Variants in SHANK2 observed in about 807,000 individuals in gnomAD.
The protein encoded by SHANK2 is SH3 and multiple ankyrin repeat domains 2.
Under a neutral mutation model 133.7 loss-of-function variants are expected in SHANK2, and 43 were observed. That is an observed-to-expected ratio of 0.32 (90% confidence interval 0.25 to 0.41). The LOEUF (loss-of-function observed/expected upper bound fraction) is 0.41, where lower values mean the gene tolerates loss of function less well. SHANK2 is among the 10% of genes least tolerant of loss of function. The probability of loss-of-function intolerance (pLI) is 1.00; values close to 1 mark genes in which losing one functional copy is unlikely to be tolerated. For synonymous variants in SHANK2, 1,017 were observed against 952.8 expected, an observed-to-expected ratio of 1.07 and a Z score of -1.24; for missense variants, 1,994 against 2,235.8, an observed-to-expected ratio of 0.89 and a Z score of 2.18.
chr11:70,784,359 T>TG (rs1271761421), intron 14 of SHANK2, among the ~76,000 whole-genome samples: 1 of 137,692 alleles, frequency 7.3e-6, no homozygotes. Context: ...TTTTTTTTTT[T>TG]TTTTTTTTTT....
At chr11:70,519,355 T>TA (rs1319188249) in intron 17 of SHANK2, among the ~76,000 whole-genome samples, 1 of 152,214 alleles carries the variant, frequency 6.6e-6, no homozygotes, top group Admixed American at 6.5e-5. Context: ...ACCAGTTCTT[T>TA]AAAAAGTGTC....
At chr11:71,250,753 C>G (rs2362118) in intron 1 of SHANK2, among the ~76,000 whole-genome samples, 10,597 of 152,174 alleles carry the variant, frequency 0.07, 425 homozygotes, top group Middle Eastern at 0.13. Context: ...CGCAGGGCAC[C>G]GGGGTTAAGG....
intron 15 of SHANK2, among the ~76,000 whole-genome samples, chr11:70,664,373 G>A (rs562978349): frequency 1.3e-5 from 2 of 152,316 alleles, no homozygotes; most frequent in East Asian, 3.9e-4. Flanking sequence ...TTCATGGAAG[G>A]TTCTCTAAAG....
chr11:70,599,927 G>GA (rs1188976351), intron 17 of SHANK2, among the ~76,000 whole-genome samples: 1 of 117,080 alleles, frequency 8.5e-6, no homozygotes, highest in African/African-American at 4.5e-5. Context: ...AAGAAAGAAA[G>GA]AAAGAAAGAA....
intron 15 of SHANK2, among the ~76,000 whole-genome samples, chr11:70,681,195 C>T (rs1945021807): frequency 6.6e-6 from 1 of 152,156 alleles, no homozygotes; most frequent in Non-Finnish European, 1.5e-5. Context: ...CTGCCAAGTC[C>T]CCCGTTCTCT....
At chr11:70,725,270 A>G (rs1468834349) in intron 14 of SHANK2, among the ~76,000 whole-genome samples, 1 of 152,246 alleles carries the variant, frequency 6.6e-6, no homozygotes, top group Non-Finnish European at 1.5e-5. Context: ...CTAACACCCC[A>G]AAGCAGCAAC....
At chr11:70,785,090 G>A (rs749527993) in intron 14 of SHANK2, among the ~76,000 whole-genome samples, 10 of 152,154 alleles carry the variant, frequency 6.6e-5, no homozygotes, top group African/African-American at 1.9e-4. Context: ...TGCTAGGCCC[G>A]TAGGATGCCT....
At chr11:70,558,482 G>A (rs1357555890) in intron 17 of SHANK2, among the ~76,000 whole-genome samples, 3 of 152,226 alleles carry the variant, frequency 2.0e-5, no homozygotes, top group Non-Finnish European at 4.4e-5. Context: ...GAGCCAGCCT[G>A]CCAGGGTTCC....
intron 10 of SHANK2, among the ~76,000 whole-genome samples, chr11:70,937,038 G>A (rs1555083541): frequency 2.0e-5 from 3 of 152,148 alleles, no homozygotes; most frequent in East Asian, 1.9e-4. Flanking sequence ...TTGGAAGACC[G>A]AGATTTGTAG....
intron 17 of SHANK2, among the ~76,000 whole-genome samples, chr11:70,605,656 C>A (rs547247926): frequency 2.0e-5 from 3 of 152,336 alleles, no homozygotes; most frequent in African/African-American, 7.2e-5. Flanking sequence ...GAACTCTCTC[C>A]AAGGAGGCGG....
At position 70,665,731 on chromosome 11, in the gene SHANK2, T is replaced by C. The variant is rs571410374; in HGVS notation, c.1854-4053A>G. On this transcript the variant is annotated intron_variant, in intron 15 of 25. Coordinates refer to ENST00000601538, the MANE Select transcript of SHANK2 (RefSeq NM_012309.5). ...AGCCTCAATTTCCTGACCTGCAAAG[T>C]TGGGGAGAAACCTCTGGCTTGTAAG... 3.3e-5 allele frequency among the ~76,000 whole-genome samples: 5 copies of C among 152,230 alleles called. No homozygotes were observed. The South Asian group carries it at 8.3e-4, about 25-fold the overall frequency.
At chr11:71,108,080 G>A (rs1467223481) in intron 6 of SHANK2, among the ~76,000 whole-genome samples, 5 of 152,176 alleles carry the variant, frequency 3.3e-5, no homozygotes, top group African/African-American at 9.6e-5. Flanking sequence ...GGGAGAATCC[G>A]GGTCAGCAGC....
Position 70,820,619 on chromosome 11 carries a change from G to T in SHANK2, c.1238C>A (p.Ala413Asp). ...GTTGGAGCGCAGCAGGACCCGGGGG[G>T]CGGCCAGCGTGTTGGGGGGCCGCCG... ...RRRRPPNTLA[A>D]PRVLLRSNSD... The change falls in exon 12 of 26, where the codon GCC becomes GAC. Residue 413 changes from alanine to aspartate, a missense_variant. Coordinates refer to ENST00000601538, the MANE Select transcript of SHANK2 (RefSeq NM_012309.5). 1 of 713,604 alleles carries T rather than the reference G, an allele frequency of 1.4e-6. No homozygotes were observed. Among genetic ancestry groups the T allele is most frequent in the Non-Finnish European group, 2.6e-6 (1 of 382,724 alleles). The allele number at this position is 713,604 out of a possible 1,614,324, so 44.2% of individuals were successfully genotyped here.
intron 6 of SHANK2, among the ~76,000 whole-genome samples, chr11:71,103,142 T>C (rs1198890063): frequency 6.6e-6 from 1 of 152,014 alleles, no homozygotes; most frequent in Non-Finnish European, 1.5e-5. Flanking sequence ...GGGGTTAGGG[T>C]TCAACAGTAT....
chr11:70,926,565 C>T (rs116293910), intron 10 of SHANK2, among the ~76,000 whole-genome samples: 1,932 of 152,302 alleles, frequency 0.013, 40 homozygotes, highest in African/African-American at 0.043. Flanking sequence ...CCCCAGACAG[C>T]ACTGCAGCAC....
intron 14 of SHANK2, among the ~76,000 whole-genome samples, chr11:70,717,393 A>G (rs1591781015): frequency 6.6e-6 from 1 of 152,226 alleles, no homozygotes; most frequent in Admixed American, 6.5e-5. Flanking sequence ...GGGATTCTGG[A>G]TGCAACTGAG....
intron 17 of SHANK2, among the ~76,000 whole-genome samples, chr11:70,581,947 G>A (rs1554985576): frequency 1.3e-5 from 2 of 152,234 alleles, no homozygotes; most frequent in African/African-American, 4.8e-5. Flanking sequence ...CACGAGGGTT[G>A]GGGCCGTAAA....
Position 70,686,910 on chromosome 11 carries a change from C to G in SHANK2, c.1853+11778G>C, listed in dbSNP as rs561219669. Among the ~76,000 whole-genome samples, 7 of 152,352 alleles carry G rather than the reference C, an allele frequency of 4.6e-5. No individual in the cohort carries two copies. In the South Asian group the frequency reaches 1.4e-3, roughly 32 times the overall value. The stretch of plus-strand genomic sequence containing the variant: ...TCTCCTCATCTGCTCCCTGGAGAGG[C>G]ACCCCTTGGCCTTGTATGCCACTGA... On this transcript the variant is annotated intron_variant, in intron 15 of 25. Transcript: ENST00000601538.
intron 17 of SHANK2, among the ~76,000 whole-genome samples, chr11:70,586,358 C>T (rs1554986732): frequency 6.6e-6 from 1 of 152,112 alleles, no homozygotes; most frequent in East Asian, 1.9e-4. Flanking sequence ...ATCACTTGCG[C>T]CTTAGAAGGC....
Sources: allele counts gnomAD v4.1 joint callset (sites outside exome capture counted in the v4.1 genomes callset), GRCh38; gene constraint gnomAD v4.1.1; transcripts MANE v1.5; gene names NCBI Gene and HGNC (gene_info 2026-07-23, HGNC 2026-07-21).